The following CABCOCO1 variants were observed in gnomAD, a reference collection of about 807,000 sequenced individuals.
CABCOCO1 encodes ciliary associated calcium binding coiled-coil 1.
CABCOCO1 carries 28 observed loss-of-function variants against 35.7 expected under a neutral mutation model. That is an observed-to-expected ratio of 0.78 (90% CI 0.58 to 1.07). The LOEUF is 1.07. Ranked by LOEUF, CABCOCO1 falls within the 50% of genes least tolerant of loss-of-function variation. CABCOCO1 has a pLI of 0.00. For missense variants in CABCOCO1, 326 were observed against 309.2 expected (o/e 1.05, Z -0.41); for synonymous variants, 95 against 100.1 (o/e 0.95, Z 0.30).
chr10:61,675,312 C>T (rs748054422), intron 2 of CABCOCO1, among the ~76,000 whole-genome samples: 8 of 152,178 alleles, frequency 5.3e-5, no homozygotes, highest in Non-Finnish European at 1.0e-4. Flanking sequence ...ATAGCAATAT[C>T]TTCCTTCAGA....
chr10:61,739,739 G>A (rs912053981), intron 5 of CABCOCO1, among the ~76,000 whole-genome samples: 12 of 152,014 alleles, frequency 7.9e-5, no homozygotes, highest in African/African-American at 2.2e-4. Flanking sequence ...TCAGGAGATC[G>A]AGACCATCCT....
chr10:61,686,372 C>G (rs1166080839), intron 4 of CABCOCO1, among the ~76,000 whole-genome samples, 187 bp downstream of exon 4: 1 of 151,948 alleles, frequency 6.6e-6, no homozygotes, highest in African/African-American at 2.4e-5. Context: ...CACCTAATAA[C>G]TAAAAGTCAG....
intron 5 of CABCOCO1, among the ~76,000 whole-genome samples, chr10:61,702,097 G>A (rs1840473992): frequency 6.6e-6 from 1 of 152,144 alleles, no homozygotes; most frequent in African/African-American, 2.4e-5. Flanking sequence ...GGCACTTTAA[G>A]TTTTATGGAA....
At chr10:61,745,602 C>A (rs977558107) in intron 5 of CABCOCO1, among the ~76,000 whole-genome samples, 1 of 152,128 alleles carries the variant, frequency 6.6e-6, no homozygotes, top group Non-Finnish European at 1.5e-5. Context: ...GACTGTAACT[C>A]TTTTGAGGCA....
chr10:61,677,824 T>G (rs939984926), intron 2 of CABCOCO1, among the ~76,000 whole-genome samples: 3 of 144,712 alleles, frequency 2.1e-5, no homozygotes, highest in Admixed American at 6.9e-5. Context: ...TTTTTTTTTT[T>G]TTTTTTTTTT....
rs903349396 is a variant in CABCOCO1, at chr10:61,681,433, G to T, written c.334+121G>T. ...TTAATGAAAAATACGGGTTTTTCCT[G>T]AGTATAACAAATACATAGTTCCTAT... is the stretch of plus-strand genomic sequence containing the variant. On this transcript the variant is annotated intron_variant, in intron 3 of 7. Transcript: ENST00000648843. 5 of 693,854 alleles carry T rather than the reference G, an allele frequency of 7.2e-6. No homozygotes were observed. The Admixed American group carries it at 1.5e-4, about 20-fold the overall frequency. 43.0% of individuals were successfully genotyped at this position (693,854 alleles called of 1,614,324 possible).
At chr10:61,746,799 G>T (rs1026601214) in intron 5 of CABCOCO1, among the ~76,000 whole-genome samples, 1 of 151,926 alleles carries the variant, frequency 6.6e-6, no homozygotes, top group African/African-American at 2.4e-5. Flanking sequence ...GTATATGTTG[G>T]AATAATAGGA....
intron 7 of CABCOCO1, among the ~76,000 whole-genome samples, chr10:61,764,658 T>C (rs61190676): frequency 0.016 from 2,398 of 150,294 alleles, 60 homozygotes; most frequent in African/African-American, 0.054. Context: ...AAAGGAAGAG[T>C]TCCTCTGTGA....
chr10:61,692,211 T>C (rs1208128811), intron 5 of CABCOCO1, among the ~76,000 whole-genome samples: 1 of 152,196 alleles, frequency 6.6e-6, no homozygotes, highest in African/African-American at 2.4e-5. Context: ...TTGTATCTCA[T>C]TGTGGGTTTG....
At chr10:61,669,624 A>G (rs745914544) in intron 1 of CABCOCO1, among the ~76,000 whole-genome samples, 16 of 152,118 alleles carry the variant, frequency 1.1e-4, no homozygotes, top group Non-Finnish European at 2.2e-4. Flanking sequence ...TTTAAAACAG[A>G]AGAAAAAATC....
At chr10:61,720,514 A>G (rs6479770) in intron 5 of CABCOCO1, among the ~76,000 whole-genome samples, 2,118 of 152,318 alleles carry the variant, frequency 0.014, 42 homozygotes, top group African/African-American at 0.048. Flanking sequence ...ACTTGTCACA[A>G]TCTAGCCAAT....
At chr10:61,699,949 A>G (rs1840406562) in intron 5 of CABCOCO1, among the ~76,000 whole-genome samples, 1 of 152,152 alleles carries the variant, frequency 6.6e-6, no homozygotes, top group South Asian at 2.1e-4. Flanking sequence ...TAAAGGAGAA[A>G]AGTTTTATTT....
chr10:61,665,816 G>A (rs545056969), intron 1 of CABCOCO1, among the ~76,000 whole-genome samples: 113 of 151,448 alleles, frequency 7.5e-4, no homozygotes, highest in Non-Finnish European at 1.3e-3. Context: ...GAACCCGGGA[G>A]GCGGAGCTTG....
chr10:61,672,441 C>T (rs1839389280), intron 1 of CABCOCO1, among the ~76,000 whole-genome samples, 191 bp from the exon 2 acceptor site: 1 of 152,102 alleles, frequency 6.6e-6, no homozygotes, highest in African/African-American at 2.4e-5. Flanking sequence ...GATTGACTAG[C>T]CATTTGACTT....
intron 5 of CABCOCO1, among the ~76,000 whole-genome samples, chr10:61,716,866 A>T (rs1171742624): frequency 6.7e-6 from 1 of 149,600 alleles, no homozygotes; most frequent in Non-Finnish European, 1.5e-5. Flanking sequence ...GGTCAATACT[A>T]GATATTTCTG....
chr10:61,731,575 T>C (rs1841302658), intron 5 of CABCOCO1, among the ~76,000 whole-genome samples: 4 of 152,058 alleles, frequency 2.6e-5, no homozygotes, highest in South Asian at 2.1e-4. Context: ...AAAATACTTC[T>C]AAGGAGTCAA....
chr10:61,695,015 T>C (rs1338313098), intron 5 of CABCOCO1, among the ~76,000 whole-genome samples: 45 of 152,054 alleles, frequency 3.0e-4, no homozygotes. Flanking sequence ...ATCAACAGTT[T>C]TTCATAACCA....
chr10:61,709,082 T>C (rs1470440418), intron 5 of CABCOCO1, among the ~76,000 whole-genome samples: 2 of 152,170 alleles, frequency 1.3e-5, no homozygotes, highest in Non-Finnish European at 2.9e-5. Context: ...GAAGTCCCAC[T>C]TCTGAAAGTT....
intron 4 of CABCOCO1, among the ~76,000 whole-genome samples, chr10:61,687,864 T>C (rs1487102145): frequency 2.0e-5 from 3 of 152,194 alleles, no homozygotes; most frequent in African/African-American, 4.8e-5. Flanking sequence ...AAAGAAATTA[T>C]GCAATTTAAA....
Sources: gnomAD v4.1 joint callset for allele counts (sites outside exome capture counted in the v4.1 genomes callset) on GRCh38, gnomAD v4.1.1 for gene constraint, MANE v1.5 for transcripts, NCBI Gene and HGNC (gene_info 2026-07-23, HGNC 2026-07-21) for gene names.